The following PC variants were observed in gnomAD, a reference collection of about 807,000 sequenced individuals.
PC encodes pyruvate carboxylase.
PC carries 46 observed loss-of-function variants against 107.8 expected under a neutral mutation model. The ratio of observed to expected loss-of-function variants is 0.43; its 90% CI spans 0.34 to 0.55. The LOEUF (loss-of-function observed/expected upper bound fraction) is 0.55. PC is among the 20% of genes least tolerant of loss of function. The pLI, the probability that PC is intolerant of heterozygous loss-of-function variation, is 0.04. For missense variants in PC, 1,241 were observed against 1,643.1 expected (o/e 0.76, Z 4.23); for synonymous variants, 662 against 684.7 (o/e 0.97, Z 0.52).
chr11:66,926,798 G>A (rs1008096289), intron 3 of PC, among the ~76,000 whole-genome samples: 4 of 136,382 alleles, frequency 2.9e-5, no homozygotes, highest in Non-Finnish European at 6.1e-5. Context: ...TCCTAGAAAT[G>A]TCATATAGTA....
intron 12 of PC, chr11:66,859,509 C>T: frequency 2.6e-6 from 4 of 1,516,140 alleles, no homozygotes; most frequent in Non-Finnish European, 3.5e-6. Flanking sequence ...GTTCACCTTC[C>T]TGAGTGAACC....
chr11:66,924,368 C>CAAAAAAAAAAA (rs1948664294), intron 3 of PC, among the ~76,000 whole-genome samples: 2 of 8,350 alleles, frequency 2.4e-4, no homozygotes, highest in South Asian at 3.7e-3. Context: ...CCCATCTCTA[C>CAAAAAAAAAAA]CAAAAAAAAA....
At chr11:66,919,861 G>C (rs1390639810) in intron 3 of PC, 1 of 152,172 alleles carries the variant, frequency 6.6e-6, no homozygotes, top group Admixed American at 6.5e-5. Flanking sequence ...ATAAGTCCTG[G>C]AGAAGAGGTA....
At position 66,860,167 on chromosome 11, in the gene PC, C is replaced by T. The variant is rs199623957; in HGVS notation, c.1368+3607G>A. On this transcript the variant is annotated intron_variant, in intron 12 of 22. Coordinates refer to ENST00000393960, the MANE Select transcript of PC (RefSeq NM_001040716.2). Reference sequence around the variant, plus strand: ...GGGTGCCGGGGGGTAGGAGGCAGCGCCGAGCGGCTGGAAGAGAGTGTGGTG... The same window carrying T: ...GGGTGCCGGGGGGTAGGAGGCAGCGTCGAGCGGCTGGAAGAGAGTGTGGTG... 1.7e-3 allele frequency: 2,615 copies of T among 1,547,668 alleles called. 6 individuals are homozygous for T. Among genetic ancestry groups the T allele is most frequent in the Middle Eastern group, 3.5e-3 (21 of 5,992 alleles).
intron 1 of PC, among the ~76,000 whole-genome samples, chr11:66,956,706 C>T (rs1949568800): frequency 6.6e-6 from 1 of 152,200 alleles, no homozygotes; most frequent in African/African-American, 2.4e-5. Flanking sequence ...CACAACTCAC[C>T]TCCTCCACGA....
chr11:66,850,455 A>C lies in PC; in HGVS notation c.2483T>G (p.Met828Arg). The C allele has an allele frequency of 6.2e-7, 1 of 1,613,922 alleles. No individual in the cohort carries two copies. The highest frequency in any genetic ancestry group is 1.1e-5 in the South Asian group (1 of 91,082). The change falls in exon 19 of 23, where the codon ATG becomes AGG. Residue 828 changes from methionine (M) to arginine (R), a missense_variant. By Grantham distance (91) the Met-to-Arg change is moderately conservative. This residue lies in a region of PC where 1,143 missense variants were observed against 1,551.9 expected (regional missense o/e 0.74). Coordinates refer to ENST00000393960, the MANE Select transcript of PC (RefSeq NM_001040716.2). ...CTCACTGTAGTCAAACACGCGCTCC[A>C]TGGGCACCTCTGCAGGGAGGCCAGA... ...RGTPLDTEVP[M>R]ERVFDYSEYW... is the part of the protein sequence containing the mutation.
At chr11:66,919,062 T>G (rs1171581740) in intron 3 of PC, among the ~76,000 whole-genome samples, 2 of 152,112 alleles carry the variant, frequency 1.3e-5, no homozygotes, top group African/African-American at 2.4e-5. Flanking sequence ...GTGGATTACC[T>G]CAAGCTGTCT....
At chr11:66,915,916 G>A (rs1490378038) in intron 3 of PC, among the ~76,000 whole-genome samples, 1 of 152,122 alleles carries the variant, frequency 6.6e-6, no homozygotes, top group Non-Finnish European at 1.5e-5. Flanking sequence ...GGCACTTTGA[G>A]CTCAGTACTA....
intron 3 of PC, among the ~76,000 whole-genome samples, chr11:66,876,601 A>G (rs1317042125): frequency 2.6e-5 from 4 of 152,250 alleles, no homozygotes; most frequent in African/African-American, 9.6e-5. Context: ...GATGAACGTC[A>G]GACGTTATCA....
At chr11:66,897,223 C>T (rs562913309) in intron 3 of PC, among the ~76,000 whole-genome samples, 7 of 152,142 alleles carry the variant, frequency 4.6e-5, no homozygotes, top group Admixed American at 2.0e-4. Flanking sequence ...CATGAGCCAC[C>T]GCGCCCAGCC....
Position 66,957,170 on chromosome 11 carries a change from G to C in PC, c.-228+1152C>G, listed in dbSNP as rs574712660. Reference sequence around the variant, plus strand: ...GGGAGGCCAGCCAGGGCTGATGGTGGCAGTGGGTACGGGAGCAATAGGGAG... The same window carrying C: ...GGGAGGCCAGCCAGGGCTGATGGTGCCAGTGGGTACGGGAGCAATAGGGAG... On this transcript the variant is annotated intron_variant, in intron 1 of 22. Transcript: ENST00000393960. 1.2e-4 allele frequency among the ~76,000 whole-genome samples: 18 copies of C among 152,362 alleles called. No homozygotes were observed. The South Asian group carries it at 3.7e-3, about 32-fold the overall frequency.
chr11:66,919,388 C>A (rs747079473), intron 3 of PC, among the ~76,000 whole-genome samples: 1 of 152,212 alleles, frequency 6.6e-6, no homozygotes, highest in Non-Finnish European at 1.5e-5. Context: ...CGTACTCCAG[C>A]CTGGGCAACA....
chr11:66,909,907 C>T (rs767265498), intron 3 of PC, among the ~76,000 whole-genome samples: 10 of 151,968 alleles, frequency 6.6e-5, no homozygotes, highest in South Asian at 2.1e-4. Context: ...GCTGGAACAC[C>T]GGGTATGAGC....
intron 3 of PC, among the ~76,000 whole-genome samples, chr11:66,924,031 T>C (rs1470372964): frequency 6.6e-6 from 1 of 150,960 alleles, no homozygotes; most frequent in East Asian, 2.0e-4. Flanking sequence ...GGCAAAACCA[T>C]GTCTCTACTA....
intron 3 of PC, among the ~76,000 whole-genome samples, chr11:66,949,348 T>C (rs72925090): frequency 0.012 from 1,850 of 152,180 alleles, 25 homozygotes; most frequent in Non-Finnish European, 0.019. Context: ...ATAAGTTCAA[T>C]TGAAACATTT....
intron 3 of PC, among the ~76,000 whole-genome samples, chr11:66,928,002 G>A (rs1449729132): frequency 1.3e-5 from 2 of 152,054 alleles, no homozygotes; most frequent in Non-Finnish European, 2.9e-5. Flanking sequence ...TGTTGGTTTC[G>A]GCCACAGACA....
At chr11:66,884,825 C>T (rs1947304151) in intron 3 of PC, among the ~76,000 whole-genome samples, 1 of 152,150 alleles carries the variant, frequency 6.6e-6, no homozygotes, top group South Asian at 2.1e-4. Context: ...TTCAGGGCTG[C>T]GAGGGGCGAC....
In PC at chr11:66,857,601, G is replaced by A; in HGVS notation, c.1369-4218C>T. 1 of 844,080 alleles carries A rather than the reference G, an allele frequency of 1.2e-6. No homozygotes were observed. The highest frequency in any genetic ancestry group is 1.8e-5 in the South Asian group (1 of 54,536). 52.3% of individuals were successfully genotyped at this position (844,080 alleles called of 1,614,324 possible). A position where few individuals can be genotyped will look rare whatever the true frequency, so the allele number is the denominator to read the frequency against. On this transcript the variant is annotated intron_variant, in intron 12 of 22. Transcript: ENST00000393960. The surrounding 1 kb of genome is among the most constrained non-coding windows in gnomAD (Gnocchi z 7.1). ...AGGCCCCAACCTTCCCTCATCTCTG[G>A]CGGCCCTCTTGGGCCTCTGACCCAG... is the stretch of plus-strand genomic sequence containing the variant.
intron 3 of PC, among the ~76,000 whole-genome samples, chr11:66,935,230 G>T (rs769447772): frequency 1.3e-5 from 2 of 152,240 alleles, no homozygotes; most frequent in Non-Finnish European, 2.9e-5. Context: ...CGCAGGATTA[G>T]AAAATGGGGC....
Sources: allele counts gnomAD v4.1 joint callset (sites outside exome capture counted in the v4.1 genomes callset), GRCh38; gene constraint gnomAD v4.1.1; regional missense constraint gnomAD v4.1.1; non-coding constraint Gnocchi (gnomAD v3.1); transcripts MANE v1.5; gene names NCBI Gene and HGNC (gene_info 2026-07-23, HGNC 2026-07-21).